Variants in PPARGC1A observed in about 807,000 individuals in gnomAD.
PPARGC1A encodes PPARG coactivator 1 alpha.
PPARGC1A carries 25 observed loss-of-function variants against 88.7 expected under a neutral mutation model. The observed-to-expected ratio is 0.28, with a 90% CI of 0.21 to 0.39. The LOEUF is 0.39. Ranked by LOEUF, PPARGC1A falls within the 10% of genes least tolerant of loss-of-function variation. PPARGC1A has a pLI of 1.00. For missense variants in PPARGC1A, 880 were observed against 968.7 expected, an observed-to-expected ratio of 0.91 and a Z score of 1.22; for synonymous variants, 363 against 355.6, an observed-to-expected ratio of 1.02 and a Z score of -0.24.
the PPARGC1A span, among the ~76,000 whole-genome samples, chr4:24,308,032 C>T: frequency 1.1e-4 from 16 of 152,072 alleles, no homozygotes; most frequent in African/African-American, 3.6e-4. Context: ...TGGCTCATGC[C>T]TGTAACCCCA....
chr4:24,258,305 T>C, the PPARGC1A span: 1 of 464,270 alleles, frequency 2.2e-6, no homozygotes, highest in East Asian at 1.5e-4. Context: ...ACCCCCACTT[T>C]GCAGATGGGG....
At chr4:24,133,233 T>C in the PPARGC1A span, among the ~76,000 whole-genome samples, 1 of 152,196 alleles carries the variant, frequency 6.6e-6, no homozygotes, top group African/African-American at 2.4e-5. Flanking sequence ...ATGAACTGTC[T>C]GATTAAAGTG....
the PPARGC1A span, among the ~76,000 whole-genome samples, chr4:24,126,055 G>A: frequency 2.0e-5 from 3 of 152,096 alleles, no homozygotes; most frequent in African/African-American, 7.2e-5. Flanking sequence ...TACAGACAAG[G>A]AAAAGAAAAT....
chr4:23,960,488 C>T, the PPARGC1A span, among the ~76,000 whole-genome samples: 1 of 152,142 alleles, frequency 6.6e-6, no homozygotes, highest in Non-Finnish European at 1.5e-5. Context: ...ATGAGCTGCT[C>T]ATCTTTGGCT....
At chr4:23,822,879 T>A (rs764957966) in intron 7 of PPARGC1A, among the ~76,000 whole-genome samples, 29 of 152,192 alleles carry the variant, frequency 1.9e-4, no homozygotes, top group Non-Finnish European at 3.2e-4. Flanking sequence ...CTTCCCCAAT[T>A]TATATCTGTA....
chr4:24,140,258 A>G, the PPARGC1A span, among the ~76,000 whole-genome samples: 1 of 152,202 alleles, frequency 6.6e-6, no homozygotes, highest in African/African-American at 2.4e-5. Flanking sequence ...CCATCTTCGA[A>G]TGCAAAAAAC....
chr4:24,322,544 AGT>A, the PPARGC1A span, among the ~76,000 whole-genome samples: 2 of 152,156 alleles, frequency 1.3e-5, no homozygotes, highest in African/African-American at 4.8e-5. Context: ...TGTGTATGTG[AGT>A]GTGTGTGTGC....
At chr4:24,328,717 C>T in the PPARGC1A span, among the ~76,000 whole-genome samples, 1 of 152,106 alleles carries the variant, frequency 6.6e-6, no homozygotes, top group African/African-American at 2.4e-5. Flanking sequence ...TCCACCCCAC[C>T]CCATCCCAAT....
the PPARGC1A span, among the ~76,000 whole-genome samples, chr4:24,207,303 T>C: frequency 1.3e-5 from 2 of 152,202 alleles, no homozygotes; most frequent in African/African-American, 4.8e-5. Context: ...AGAAACCGCA[T>C]GCATACTTAT....
the PPARGC1A span, among the ~76,000 whole-genome samples, chr4:24,282,718 A>G: frequency 6.6e-6 from 1 of 152,206 alleles, no homozygotes; most frequent in Non-Finnish European, 1.5e-5. Flanking sequence ...CAGTCCTGTG[A>G]GTCAGTGAGG....
the PPARGC1A span, among the ~76,000 whole-genome samples, chr4:24,348,707 C>A: frequency 2.0e-5 from 3 of 152,096 alleles, no homozygotes; most frequent in African/African-American, 7.2e-5. Flanking sequence ...TTTCTCCCTT[C>A]ACTTCTTATA....
chr4:24,013,762 C>T, the PPARGC1A span, among the ~76,000 whole-genome samples: 4 of 152,156 alleles, frequency 2.6e-5, no homozygotes. Context: ...TGCACATGTC[C>T]CATGCCTGGA....
At chr4:24,168,042 A>C in the PPARGC1A span, among the ~76,000 whole-genome samples, 2 of 152,236 alleles carry the variant, frequency 1.3e-5, no homozygotes, top group Non-Finnish European at 1.5e-5. Context: ...GGCATGAGCC[A>C]CCACACTCAG....
At chr4:23,843,356 G>A (rs552948651) in intron 2 of PPARGC1A, among the ~76,000 whole-genome samples, 2 of 152,188 alleles carry the variant, frequency 1.3e-5, no homozygotes, top group East Asian at 3.9e-4. Context: ...GGGGTCCTGA[G>A]TACATCACTT....
At chr4:24,177,244 T>G in the PPARGC1A span, among the ~76,000 whole-genome samples, 1 of 152,104 alleles carries the variant, frequency 6.6e-6, no homozygotes, top group Non-Finnish European at 1.5e-5. Flanking sequence ...TAGACTGGAT[T>G]AAGAAAATGT....
At chr4:23,845,166 T>G (rs1462434198) in intron 2 of PPARGC1A, among the ~76,000 whole-genome samples, 1 of 151,954 alleles carries the variant, frequency 6.6e-6, no homozygotes, top group East Asian at 1.9e-4. Context: ...TGTGAATACC[T>G]CACAAAGCTC....
chr4:23,873,291 T>A, intron 2 of PPARGC1A, among the ~76,000 whole-genome samples: 1 of 150,926 alleles, frequency 6.6e-6, no homozygotes, highest in Non-Finnish European at 1.5e-5. Flanking sequence ...TTGGTAATAA[T>A]CCCCTGTAAT....
the PPARGC1A span, among the ~76,000 whole-genome samples, chr4:24,158,937 G>C: frequency 6.6e-6 from 1 of 152,000 alleles, no homozygotes; most frequent in African/African-American, 2.4e-5. Context: ...TATCACCTCT[G>C]ATATCAGAAA....
the PPARGC1A span, among the ~76,000 whole-genome samples, chr4:24,140,293 A>G: frequency 1.3e-5 from 2 of 152,360 alleles, no homozygotes; most frequent in Non-Finnish European, 1.5e-5. Context: ...AGGTGGGGAC[A>G]GATAAAGATA....
Sources: gnomAD v4.1 joint callset for allele counts (sites outside exome capture counted in the v4.1 genomes callset) on GRCh38, gnomAD v4.1.1 for gene constraint, MANE v1.5 for transcripts, NCBI Gene and HGNC (gene_info 2026-07-23, HGNC 2026-07-21) for gene names.